Variants in ANKMY1 observed in about 807,000 individuals in gnomAD.
The protein encoded by ANKMY1 is ankyrin repeat and MYND domain containing 1, also known as ankyrin repeat and MYND domain-containing protein 1.
Under a neutral mutation model 102.0 loss-of-function variants are expected in ANKMY1, and 98 were observed. The observed-to-expected ratio is 0.96, with a 90% CI of 0.82 to 1.14. The LOEUF (loss-of-function observed/expected upper bound fraction) is 1.14. ANKMY1 is among the 50% of genes most tolerant of loss of function. ANKMY1 has a pLI of 0.00. For synonymous variants in ANKMY1, 582 were observed against 559.9 expected (o/e 1.04, Z -0.56); for missense variants, 1,330 against 1,347.6 (o/e 0.99, Z 0.20).
chr2:240,529,211 T>C lies in ANKMY1; in HGVS notation c.779A>G (p.Tyr260Cys), dbSNP rs767253917. 9.9e-6 allele frequency: 16 copies of C among 1,614,054 alleles called. No homozygotes were observed. The highest frequency in any genetic ancestry group is 1.1e-5 in the Non-Finnish European group (13 of 1,180,030). The change falls in exon 5 of 18, where the codon TAT becomes TGT. Residue 260 changes from tyrosine (Y) to cysteine (C), a missense_variant. By Grantham distance (194) the Tyr-to-Cys change is radical (BLOSUM62 -2). Coordinates refer to ENST00000401804, the MANE Select transcript of ANKMY1 (RefSeq NM_001282771.3). The surrounding 1 kb of genome is among the most constrained non-coding windows in gnomAD (Gnocchi z 4.2). ...GTGGTCACTGTTGGTCGAGTAGACA[T>C]ACATTTCTGGAGGCAGCGTTAGGTT... ...NDNLTLPPEM[Y>C]VYSTNSDHLP...
downstream of ANKMY1, among the ~76,000 whole-genome samples, chr2:240,475,500 TAA>T (rs1316544271): frequency 6.6e-6 from 1 of 152,118 alleles, no homozygotes; most frequent in East Asian, 1.9e-4. Context: ...GCAATAAATT[TAA>T]GCGAGGTAAA....
chr2:240,533,195 G>A (rs2085860281), intron 4 of ANKMY1, among the ~76,000 whole-genome samples: 1 of 152,164 alleles, frequency 6.6e-6, no homozygotes, highest in South Asian at 2.1e-4. Context: ...GAAAAAGAGT[G>A]TATAACTTTG....
rs1302442663 is a variant in ANKMY1, at chr2:240,499,820, G to A, written c.2806+138C>T. The stretch of plus-strand genomic sequence containing the variant: ...GCTCCTTGGACGACGGGACACAAAG[G>A]GGACAAGCCGACGAGCCCAGCCCCA... On this transcript the variant is annotated intron_variant, in intron 15 of 17. Transcript: ENST00000401804. This position sits in a 1 kb window ranked among gnomAD's most constrained non-coding sequence, Gnocchi z 4.2. 5 of 1,139,690 alleles carry A rather than the reference G, an allele frequency of 4.4e-6. No homozygotes were observed. Among genetic ancestry groups the A allele is most frequent in the Non-Finnish European group, 6.0e-6 (5 of 829,214 alleles). The allele number at this position is 1,139,690 out of a possible 1,614,324, so 70.6% of individuals were successfully genotyped here.
rs79780037 is a variant in ANKMY1 at position 240,499,285 on chromosome 2, C to A, written c.2806+673G>T. Among the ~76,000 whole-genome samples the A allele has an allele frequency of 2.7e-5, 4 of 145,950 alleles. No homozygotes were observed. The South Asian group carries it at 9.1e-4, about 33-fold the overall frequency. On this transcript the variant is annotated intron_variant, in intron 15 of 17. Transcript: ENST00000401804. The surrounding 1 kb of genome is among the most constrained non-coding windows in gnomAD (Gnocchi z 4.2). ...AGTGTGTGTGGATGTGTAAGTGGGT[C>A]TGTGTGTGCGAGGTAGACAAGAGTA...
At chr2:240,537,090 A>C (rs1282210143) in intron 4 of ANKMY1, among the ~76,000 whole-genome samples, 1 of 152,204 alleles carries the variant, frequency 6.6e-6, no homozygotes, top group Non-Finnish European at 1.5e-5. Flanking sequence ...GCACAGCAAG[A>C]AAAACTGTAT....
At position 240,524,009 on chromosome 2, in the gene ANKMY1, G is replaced by A; in HGVS notation, c.1708C>T (p.Leu570Phe). ...CTTCTCTCCAGCATGGCCTGCGAGA[G>A]CTCGATGGAGAAGTCGCACACACAC... Reference protein sequence around the residue: ...NVCVCDFSIELSQAMLERSAQ... With the variant: ...NVCVCDFSIEFSQAMLERSAQ... Residue 570 changes from leucine to phenylalanine, a missense_variant, in exon 8 of 18, where the codon CTC (leucine) becomes TTC (phenylalanine). Leu to Phe is a conservative substitution (Grantham distance 22). Transcript: ENST00000401804. The A allele has an allele frequency of 6.2e-7, 1 of 1,613,988 alleles. No individual in the cohort carries two copies. Among genetic ancestry groups the A allele is most frequent in the Non-Finnish European group, 8.5e-7 (1 of 1,180,044 alleles).
rs2077697641 is a variant in ANKMY1 at position 240,499,069 on chromosome 2, TG to T, written c.2806+888del. ...CGGACTAACAGCACGTGGAAGTGTG[TG>T]GGGCGGAGCACTGTGTGCTGGGAAG... On this transcript the variant is annotated intron_variant, in intron 15 of 17. Coordinates refer to ENST00000401804, the MANE Select transcript of ANKMY1 (RefSeq NM_001282771.3). This position sits in a 1 kb window ranked among gnomAD's most constrained non-coding sequence, Gnocchi z 4.2. Among the ~76,000 whole-genome samples the T allele has an allele frequency of 6.6e-6, 1 of 152,050 alleles. No homozygotes were observed. The highest frequency in any genetic ancestry group is 6.5e-5 in the Admixed American group (1 of 15,282).
intron 13 of ANKMY1, among the ~76,000 whole-genome samples, chr2:240,503,807 G>C (rs1429898426): frequency 1.3e-5 from 2 of 152,194 alleles, no homozygotes; most frequent in Non-Finnish European, 2.9e-5. Flanking sequence ...TTGGACATAG[G>C]GTCGTTGCAG....
At chr2:240,469,777 C>T in the ANKMY1 span, among the ~76,000 whole-genome samples, 1 of 150,816 alleles carries the variant, frequency 6.6e-6, no homozygotes, top group East Asian at 1.9e-4. Context: ...CACATGCCCA[C>T]ATGCCCATGC....
intron 8 of ANKMY1, chr2:240,522,760 C>T (rs1281408670): frequency 6.6e-6 from 1 of 152,216 alleles, no homozygotes; most frequent in Non-Finnish European, 1.5e-5. Flanking sequence ...GGCATGTCTT[C>T]AGGCAGTATC....
At position 240,512,709 on chromosome 2, in the gene ANKMY1, G is replaced by A; in HGVS notation, c.2145+93C>T. On this transcript the variant is annotated intron_variant, in intron 10 of 17. Transcript: ENST00000401804. ...GGCCCCAAGCCAGGAGGCCCATCAT[G>A]CTCGGCAAGCACAGGCTAGGCAGAG... The A allele has an allele frequency of 2.1e-6, 3 of 1,436,358 alleles. No individual in the cohort carries two copies. The South Asian group carries it at 4.5e-5, about 21-fold the overall frequency. The allele number at this position is 1,436,358 out of a possible 1,614,324, so 89.0% of individuals were successfully genotyped here. A position where few individuals can be genotyped will look rare whatever the true frequency, so the allele number is the denominator to read the frequency against.
chr2:240,525,971 T>C, intron 6 of ANKMY1, 122 bp from the exon 7 acceptor site: 1 of 1,300,492 alleles, frequency 7.7e-7, no homozygotes. Context: ...CAGTGCTCAT[T>C]CGGGAGCTTG....
At chr2:240,544,822 A>G (rs1238630412) in intron 4 of ANKMY1, among the ~76,000 whole-genome samples, 1 of 152,284 alleles carries the variant, frequency 6.6e-6, no homozygotes, top group Non-Finnish European at 1.5e-5. Flanking sequence ...ACGGCGCACC[A>G]GGAGATTACA....
intron 15 of ANKMY1, among the ~76,000 whole-genome samples, chr2:240,490,566 G>A (rs2076529256): frequency 1.3e-5 from 2 of 152,128 alleles, no homozygotes; most frequent in African/African-American, 2.4e-5. Context: ...TTGCAAATTT[G>A]TATATACATA....
At chr2:240,538,791 C>G (rs1306691232) in intron 4 of ANKMY1, among the ~76,000 whole-genome samples, 1 of 152,214 alleles carries the variant, frequency 6.6e-6, no homozygotes, top group Non-Finnish European at 1.5e-5. Context: ...GTAAATGCAC[C>G]AGTCAGCACT....
chr2:240,550,355 G>C (rs572417172), intron 4 of ANKMY1, among the ~76,000 whole-genome samples: 2 of 120,436 alleles, frequency 1.7e-5, no homozygotes, highest in Non-Finnish European at 3.2e-5. Flanking sequence ...ACACTCTGGG[G>C]ACTGCTGTGG....
chr2:240,488,062 A>G (rs971562815), intron 15 of ANKMY1, among the ~76,000 whole-genome samples: 2 of 152,156 alleles, frequency 1.3e-5, no homozygotes, highest in South Asian at 4.1e-4. Flanking sequence ...ATCAATGTCC[A>G]GGAGAATTTG....
At chr2:240,498,018 G>A (rs1326554111) in intron 15 of ANKMY1, among the ~76,000 whole-genome samples, 5 of 152,212 alleles carry the variant, frequency 3.3e-5, no homozygotes, top group African/African-American at 1.2e-4. Flanking sequence ...TCATGCCCAA[G>A]GCAGAGCCTG....
chr2:240,544,677 G>A (rs896837371), intron 4 of ANKMY1, among the ~76,000 whole-genome samples: 1 of 152,228 alleles, frequency 6.6e-6, no homozygotes, highest in Admixed American at 6.5e-5. Context: ...GAAGCCGGGC[G>A]AGGCATTGCC....
Sources: allele counts gnomAD v4.1 joint callset (sites outside exome capture counted in the v4.1 genomes callset), GRCh38; gene constraint gnomAD v4.1.1; non-coding constraint Gnocchi (gnomAD v3.1); transcripts MANE v1.5; gene names NCBI Gene and HGNC (gene_info 2026-07-23, HGNC 2026-07-21).